The following COL21A1 variants were observed in gnomAD, a reference collection of about 807,000 sequenced individuals.
The protein encoded by COL21A1 is collagen alpha-1(XXI) chain.
Under a neutral mutation model 137.9 loss-of-function variants are expected in COL21A1, and 149 were observed. The observed-to-expected ratio is 1.08, with a 90% CI of 0.95 to 1.24. The LOEUF (loss-of-function observed/expected upper bound fraction) is 1.24. COL21A1 is among the 50% of genes most tolerant of loss of function. The pLI, the probability that COL21A1 is intolerant of heterozygous loss-of-function variation, is 0.00. For synonymous variants in COL21A1, 456 were observed against 391.5 expected, an observed-to-expected ratio of 1.16 and a Z score of -1.95; for missense variants, 1,167 against 1,158.4, an observed-to-expected ratio of 1.01 and a Z score of -0.11.
At chr6:56,212,161 T>C (rs1297336773) in intron 1 of COL21A1, among the ~76,000 whole-genome samples, 3 of 152,110 alleles carry the variant, frequency 2.0e-5, no homozygotes, top group Non-Finnish European at 2.9e-5. Flanking sequence ...AATAGAGGGT[T>C]TCCTAGAAAT....
At chr6:56,070,861 T>C in intron 20 of COL21A1, 63 bp from the exon 21 acceptor site, 14 of 1,210,786 alleles carry the variant, frequency 1.2e-5, no homozygotes, top group South Asian at 7.1e-5. Flanking sequence ...ATATCTGATA[T>C]AGACACTTAA....
chr6:56,241,522 T>A (rs1782323441), intron 1 of COL21A1, among the ~76,000 whole-genome samples: 1 of 152,130 alleles, frequency 6.6e-6, no homozygotes, highest in South Asian at 2.1e-4. Context: ...ACAAGGAATC[T>A]GAACAGGGAG....
At chr6:56,181,404 T>TG (rs1266002894) in intron 2 of COL21A1, among the ~76,000 whole-genome samples, 2 of 151,994 alleles carry the variant, frequency 1.3e-5, no homozygotes, top group Non-Finnish European at 2.9e-5. Flanking sequence ...TTTTTGTTTT[T>TG]TTTTTGCAGG....
chr6:56,338,500 T>C (rs962949965), intron 1 of COL21A1, among the ~76,000 whole-genome samples: 22 of 152,162 alleles, frequency 1.4e-4, no homozygotes, highest in Non-Finnish European at 3.1e-4. Context: ...ATCTTGCTTT[T>C]GGGGTGGGGT....
At chr6:56,322,747 A>G (rs1764899826) in intron 1 of COL21A1, among the ~76,000 whole-genome samples, 1 of 152,084 alleles carries the variant, frequency 6.6e-6, no homozygotes, top group Admixed American at 6.6e-5. Context: ...TAACTTATAT[A>G]GTTGACTGTT....
intron 3 of COL21A1, among the ~76,000 whole-genome samples, chr6:56,173,168 A>AT (rs1162437199): frequency 6.6e-6 from 1 of 152,190 alleles, no homozygotes; most frequent in Non-Finnish European, 1.5e-5. Flanking sequence ...CCTGGGCAAC[A>AT]TGGCAAAACC....
chr6:56,145,871 G>C (rs1774796265), intron 10 of COL21A1, among the ~76,000 whole-genome samples: 1 of 148,390 alleles, frequency 6.7e-6, no homozygotes, highest in Non-Finnish European at 1.5e-5. Context: ...TTTTTTTTTA[G>C]GGAAAAAAAT....
At chr6:56,305,771 G>A (rs1180460340) in intron 1 of COL21A1, among the ~76,000 whole-genome samples, 1 of 151,634 alleles carries the variant, frequency 6.6e-6, no homozygotes, top group Non-Finnish European at 1.5e-5. Context: ...ATTTGATCCT[G>A]TCATTATGAT....
intron 1 of COL21A1, among the ~76,000 whole-genome samples, chr6:56,352,996 G>A (rs906103827): frequency 6.6e-6 from 1 of 151,870 alleles, no homozygotes; most frequent in African/African-American, 2.4e-5. Flanking sequence ...AGCCGAAATC[G>A]ACCACTGCAC....
intron 3 of COL21A1, among the ~76,000 whole-genome samples, chr6:56,177,046 G>C (rs1777537481): frequency 6.6e-6 from 1 of 151,630 alleles, no homozygotes; most frequent in Non-Finnish European, 1.5e-5. Flanking sequence ...GGAGGAAGTA[G>C]TAGTAGAAGT....
intron 17 of COL21A1, among the ~76,000 whole-genome samples, chr6:56,098,696 AATATATAT>A (rs1260833499): frequency 2.2e-5 from 1 of 44,628 alleles, no homozygotes; most frequent in East Asian, 4.4e-4. Context: ...TAAATATATA[AATATATAT>A]ATAAATATAT....
In COL21A1 at chr6:56,166,908, A is replaced by G. The variant is rs1348793304; in HGVS notation, c.1276T>C (p.Phe426Leu). 1.2e-6 allele frequency: 2 copies of G among 1,611,608 alleles called. No homozygotes were observed. Among genetic ancestry groups the G allele is most frequent in the Non-Finnish European group, 1.7e-6 (2 of 1,178,696 alleles). The change falls in exon 7 of 30, where the codon TTT becomes CTT. Residue 426 changes from phenylalanine to leucine, a missense_variant and splice_region_variant. Phe to Leu is a conservative substitution (Grantham distance 22). Coordinates refer to ENST00000244728, the MANE Select transcript of COL21A1 (RefSeq NM_030820.4). ...NRETACEIPG[F>L]NGECLNGPSD... Reference sequence around the variant, plus strand: ...AAAAAACAATCCCTCCTACTTACAAATCCAGGAATCTCACATGCTGTCTCC... The same window carrying G: ...AAAAAACAATCCCTCCTACTTACAAGTCCAGGAATCTCACATGCTGTCTCC...
At chr6:56,176,657 A>C (rs748782006) in intron 3 of COL21A1, among the ~76,000 whole-genome samples, 3 of 148,174 alleles carry the variant, frequency 2.0e-5, no homozygotes, top group Non-Finnish European at 3.0e-5. Context: ...GGAAGAAAGG[A>C]AGGAAGGAAG....
At chr6:56,365,551 C>T (rs985981699) in intron 1 of COL21A1, among the ~76,000 whole-genome samples, 2 of 152,062 alleles carry the variant, frequency 1.3e-5, no homozygotes, top group Non-Finnish European at 2.9e-5. Flanking sequence ...TGTAAGCTGC[C>T]TCCCCTCCCC....
intron 17 of COL21A1, among the ~76,000 whole-genome samples, chr6:56,092,863 A>T (rs1768968948): frequency 6.6e-6 from 1 of 152,176 alleles, no homozygotes; most frequent in Non-Finnish European, 1.5e-5. Context: ...ACAAGTCTGA[A>T]GTCAAAGTCT....
intron 1 of COL21A1, among the ~76,000 whole-genome samples, chr6:56,260,666 AG>A (rs1763241444): frequency 1.5e-5 from 2 of 132,008 alleles, no homozygotes; most frequent in Admixed American, 1.5e-4. Context: ...GAATGAAGGA[AG>A]GAAGGAAGGA....
chr6:56,127,346 T>C (rs1773128459), intron 12 of COL21A1, among the ~76,000 whole-genome samples: 1 of 152,226 alleles, frequency 6.6e-6, no homozygotes, highest in Non-Finnish European at 1.5e-5. Context: ...ATCGTTTAGT[T>C]TCCTATAAAC....
rs138309897 is a variant in COL21A1, at chr6:56,162,562, G to T, written c.1371+1861C>A. On this transcript the variant is annotated intron_variant, in intron 9 of 29. Transcript: ENST00000244728. ...AAATGACAATCAGAAAACAGCAGAGGCTTCAGGTGCCTCCCAAAAGTGAAC... is the reference window on the plus strand; with the variant it reads ...AAATGACAATCAGAAAACAGCAGAGTCTTCAGGTGCCTCCCAAAAGTGAAC... Among the ~76,000 whole-genome samples the T allele has an allele frequency of 3.3e-4, 50 of 152,204 alleles. No individual in the cohort carries two copies. The East Asian group carries it at 6.6e-3, about 20-fold the overall frequency.
rs1582200831 is a variant in COL21A1, at chr6:56,057,709, CAT to C, written c.2820_2821del (p.Cys941PhefsTer2). The stretch of plus-strand genomic sequence containing the variant: ...ATCTCTTCTGGCAATTACACTAAAA[CAT>C]AGTGATGGGTCGCAGATGCCTGGGG... On this transcript the variant is annotated frameshift_variant, in exon 30 of 30. Transcript: ENST00000244728. LOFTEE classifies it high-confidence loss of function. 1 of 1,613,162 alleles carries C rather than the reference CAT, an allele frequency of 6.2e-7. No homozygotes were observed. The highest frequency in any genetic ancestry group is 1.1e-5 in the South Asian group (1 of 91,034).
Sources: gnomAD v4.1 joint callset for allele counts (sites outside exome capture counted in the v4.1 genomes callset) on GRCh38, gnomAD v4.1.1 for gene constraint, MANE v1.5 for transcripts, NCBI Gene and HGNC (gene_info 2026-07-23, HGNC 2026-07-21) for gene names.